VWC2: variants seen among roughly 807,000 people sequenced by gnomAD.
VWC2 encodes the protein brorin.
In VWC2, 14 loss-of-function variants were observed where a neutral mutation model predicts 29.8. The observed-to-expected ratio is 0.47, with a 90% CI of 0.31 to 0.74. The LOEUF (loss-of-function observed/expected upper bound fraction) is 0.74. VWC2 is among the 30% of genes least tolerant of loss of function. The pLI is 0.05. For synonymous variants in VWC2, 213 were observed against 199.0 expected, an observed-to-expected ratio of 1.07 and a Z score of -0.59; for missense variants, 457 against 459.8, an observed-to-expected ratio of 0.99 and a Z score of 0.05.
intron 2 of VWC2, among the ~76,000 whole-genome samples, chr7:49,777,214 G>T: frequency 6.6e-6 from 1 of 152,196 alleles, no homozygotes; most frequent in East Asian, 1.9e-4. Context: ...TGCAGAGGGC[G>T]TTATGGAACG....
rs183528350 is a variant in VWC2 at position 49,920,222 on chromosome 7, A to T, written c.*8037A>T. The T allele has an allele frequency of 2.6e-5, 4 of 152,300 alleles. No individual in the cohort carries two copies. Among genetic ancestry groups the T allele is most frequent in the African/African-American group, 9.6e-5 (4 of 41,564 alleles). The allele number at this position is 152,300 out of a possible 1,614,324, so 9.4% of individuals were successfully genotyped here. On this transcript the variant is annotated 3_prime_UTR_variant, in exon 4 of 4. Coordinates refer to ENST00000340652, the MANE Select transcript of VWC2 (RefSeq NM_198570.5). ...AAATATTAAGAAGTATGACTAAAAAACTCAAACATTTTAATACACGATGAA... is the reference window on the plus strand; with the variant it reads ...AAATATTAAGAAGTATGACTAAAAATCTCAAACATTTTAATACACGATGAA...
intron 3 of VWC2, among the ~76,000 whole-genome samples, chr7:49,844,874 A>C (rs968408624): frequency 6.6e-6 from 1 of 151,894 alleles, no homozygotes; most frequent in African/African-American, 2.4e-5. Flanking sequence ...TTGTATTTTT[A>C]GTTTCACCAT....
chr7:49,810,348 T>G (rs1204686662), intron 3 of VWC2, among the ~76,000 whole-genome samples: 1 of 151,958 alleles, frequency 6.6e-6, no homozygotes, highest in Admixed American at 6.6e-5. Context: ...AATGCAAAAT[T>G]TGTATACTAA....
intron 3 of VWC2, among the ~76,000 whole-genome samples, chr7:49,881,745 T>A (rs1197301746): frequency 6.6e-6 from 1 of 152,172 alleles, no homozygotes; most frequent in East Asian, 1.9e-4. Flanking sequence ...GATAGGCAAT[T>A]CATCTCTTTA....
chr7:49,852,820 T>C (rs1423777269), intron 3 of VWC2, among the ~76,000 whole-genome samples: 1 of 152,208 alleles, frequency 6.6e-6, no homozygotes. Context: ...TGGCCATGAC[T>C]TGGACTCCGT....
At chr7:49,889,666 G>T (rs1028773853) in intron 3 of VWC2, among the ~76,000 whole-genome samples, 1 of 152,190 alleles carries the variant, frequency 6.6e-6, no homozygotes, top group African/African-American at 2.4e-5. Context: ...TTTGCCCTAG[G>T]AGCTCCTCAA....
intron 2 of VWC2, 82 bp from the exon 3 acceptor site, chr7:49,802,629 C>A: frequency 6.4e-7 from 1 of 1,567,754 alleles, no homozygotes; most frequent in Non-Finnish European, 8.7e-7. Context: ...CAGAGCGAGA[C>A]TCCATTTCAA....
chr7:49,789,910 C>T (rs975082961), intron 2 of VWC2, among the ~76,000 whole-genome samples: 11 of 152,294 alleles, frequency 7.2e-5, no homozygotes, highest in Middle Eastern at 3.4e-3. Flanking sequence ...CCTGGTGCTC[C>T]GGGGGGCCCT....
At chr7:49,875,967 T>C (rs1417255462) in intron 3 of VWC2, among the ~76,000 whole-genome samples, 2 of 152,112 alleles carry the variant, frequency 1.3e-5, no homozygotes, top group Non-Finnish European at 2.9e-5. Context: ...AAGAAATTGG[T>C]GTTGCATTGT....
intron 3 of VWC2, among the ~76,000 whole-genome samples, chr7:49,899,783 A>G (rs1046123660): frequency 6.6e-6 from 1 of 151,970 alleles, no homozygotes; most frequent in African/African-American, 2.4e-5. Flanking sequence ...AAAAATCAGT[A>G]AGGACATAGT....
intron 3 of VWC2, chr7:49,901,076 T>C (rs1041223297): frequency 5.3e-5 from 8 of 151,902 alleles, no homozygotes; most frequent in Non-Finnish European, 7.4e-5. Context: ...TTCATCAACT[T>C]GATAAAGACT....
At chr7:49,878,183 T>C (rs1326852347) in intron 3 of VWC2, among the ~76,000 whole-genome samples, 1 of 151,994 alleles carries the variant, frequency 6.6e-6, no homozygotes, top group Non-Finnish European at 1.5e-5. Flanking sequence ...CTCCAAACAC[T>C]CCCTCTCACA....
chr7:49,808,589 A>G (rs1286728678), intron 3 of VWC2, among the ~76,000 whole-genome samples: 2 of 152,088 alleles, frequency 1.3e-5, no homozygotes, highest in Non-Finnish European at 2.9e-5. Flanking sequence ...TGCCAAGTGC[A>G]GGTGGACACT....
At chr7:49,788,455 G>T (rs1788351230) in intron 2 of VWC2, among the ~76,000 whole-genome samples, 1 of 149,612 alleles carries the variant, frequency 6.7e-6, no homozygotes, top group Non-Finnish European at 1.5e-5. Context: ...CTGTGTGTGT[G>T]TGTGTGTGTG....
At chr7:49,874,524 T>C (rs767510486) in intron 3 of VWC2, among the ~76,000 whole-genome samples, 6 of 150,942 alleles carry the variant, frequency 4.0e-5, no homozygotes, top group Non-Finnish European at 8.8e-5. Context: ...TGTATCCTCG[T>C]TGTTACATGA....
intron 3 of VWC2, among the ~76,000 whole-genome samples, chr7:49,859,825 C>G (rs1370858929): frequency 1.3e-5 from 2 of 150,746 alleles, no homozygotes; most frequent in Non-Finnish European, 2.9e-5. Context: ...CACACACACA[C>G]TCACTCTGCT....
Position 49,911,929 on chromosome 7 carries a change from A to ACACACG in VWC2, c.827-100_827-99insGCACAC, listed in dbSNP as rs1162866945. On this transcript the variant is annotated intron_variant, in intron 3 of 3. Transcript: ENST00000340652. ...AACAAACAAACAAATACACGCACAC[A>ACACACG]CACACACACACACACACATATATAT... is the stretch of plus-strand genomic sequence containing the variant. The ACACACG allele has an allele frequency of 3.7e-4, 286 of 775,358 alleles. 3 individuals carry two copies. In the African/African-American group the frequency reaches 4.9e-3, roughly 13 times the overall value. 48.0% of individuals were successfully genotyped at this position (775,358 alleles called of 1,614,324 possible).
In VWC2 at chr7:49,803,325, G is replaced by T. The variant is rs113813396; in HGVS notation, c.826+485G>T. The stretch of plus-strand genomic sequence containing the variant: ...GAAGCCTTGCTTACTTTATGAAAAT[G>T]AAGTGGCAGGATGTCCTTGATCCTA... On this transcript the variant is annotated intron_variant, in intron 3 of 3. Transcript: ENST00000340652. Among the ~76,000 whole-genome samples the T allele has an allele frequency of 9.7e-3, 1,477 of 152,328 alleles. 23 individuals are homozygous for T. Among genetic ancestry groups the T allele is most frequent in the African/African-American group, 0.034 (1,409 of 41,564 alleles).
At position 49,920,137 on chromosome 7, in the gene VWC2, A is replaced by G. The variant is rs1300899369; in HGVS notation, c.*7952A>G. ...AATAAAAGGAGACATTAATTTGGAT[A>G]TGGAAGCAAAATGGAACAGAGCAAT... On this transcript the variant is annotated 3_prime_UTR_variant, in exon 4 of 4. Coordinates refer to ENST00000340652, the MANE Select transcript of VWC2 (RefSeq NM_198570.5). 6.6e-6 allele frequency: 1 copy of G among 152,202 alleles called. No individual in the cohort carries two copies. Among genetic ancestry groups the G allele is most frequent in the African/African-American group, 2.4e-5 (1 of 41,458 alleles). 9.4% of individuals were successfully genotyped at this position (152,202 alleles called of 1,614,324 possible). A position where few individuals can be genotyped will look rare whatever the true frequency, so the allele number is the denominator to read the frequency against.
Sources: allele counts gnomAD v4.1 joint callset (sites outside exome capture counted in the v4.1 genomes callset), GRCh38; gene constraint gnomAD v4.1.1; transcripts MANE v1.5; gene names NCBI Gene and HGNC (gene_info 2026-07-23, HGNC 2026-07-21).